Variants in DPP10 observed in about 807,000 individuals in gnomAD.
DPP10 encodes dipeptidyl peptidase like 10, also known as inactive dipeptidyl peptidase 10.
Under a neutral mutation model 120.9 loss-of-function variants are expected in DPP10, and 33 were observed. The ratio of observed to expected loss-of-function variants is 0.27; its 90% CI spans 0.21 to 0.37. The LOEUF (loss-of-function observed/expected upper bound fraction) is 0.37. Ranked by LOEUF, DPP10 falls within the 10% of genes least tolerant of loss-of-function variation. The probability of loss-of-function intolerance (pLI) is 1.00; values close to 1 mark genes in which losing one functional copy is unlikely to be tolerated. For missense variants in DPP10, 816 were observed against 942.8 expected, an observed-to-expected ratio of 0.87 and a Z score of 1.76; for synonymous variants, 337 against 326.1, an observed-to-expected ratio of 1.03 and a Z score of -0.36.
chr2:114,488,325 A>C (rs561169367), intron 1 of DPP10, among the ~76,000 whole-genome samples: 1 of 152,090 alleles, frequency 6.6e-6, no homozygotes, highest in Non-Finnish European at 1.5e-5. Flanking sequence ...TTTGTGCCTC[A>C]GTTTCTTTAT....
chr2:114,989,713 T>C (rs1700648797), intron 1 of DPP10, among the ~76,000 whole-genome samples: 1 of 152,238 alleles, frequency 6.6e-6, no homozygotes. Context: ...GTTCGTTATC[T>C]AAATCATAAT....
At chr2:115,154,417 T>C (rs2051760477) in intron 1 of DPP10, among the ~76,000 whole-genome samples, 2 of 152,186 alleles carry the variant, frequency 1.3e-5, no homozygotes, top group Admixed American at 1.3e-4. Flanking sequence ...TGATGGGTTC[T>C]TACTCATATC....
At chr2:114,897,922 T>C (rs4849355) in intron 1 of DPP10, among the ~76,000 whole-genome samples, 87,056 of 151,290 alleles carry the variant, frequency 0.58, 25,383 homozygotes, top group East Asian at 0.7. Context: ...AGTTCAACCA[T>C]TGTGGAAGTC....
intron 21 of DPP10, among the ~76,000 whole-genome samples, chr2:115,833,542 C>G (rs1191252214): frequency 6.6e-6 from 1 of 152,250 alleles, no homozygotes; most frequent in Non-Finnish European, 1.5e-5. Flanking sequence ...CGTACCTAAT[C>G]TGAAAATCCG....
chr2:115,806,680 T>C (rs1237734538), intron 19 of DPP10, among the ~76,000 whole-genome samples: 1 of 152,170 alleles, frequency 6.6e-6, no homozygotes, highest in Non-Finnish European at 1.5e-5. Context: ...CTTCGATATG[T>C]AGCCTATATG....
At chr2:114,522,322 T>A (rs1004815508) in intron 1 of DPP10, among the ~76,000 whole-genome samples, 9 of 152,148 alleles carry the variant, frequency 5.9e-5, no homozygotes, top group Admixed American at 1.3e-4. Context: ...TGTTCTTCAA[T>A]GTAAAGGCTA....
At chr2:114,909,759 C>G (rs1321391251) in intron 1 of DPP10, among the ~76,000 whole-genome samples, 1 of 151,884 alleles carries the variant, frequency 6.6e-6, no homozygotes, top group African/African-American at 2.4e-5. Flanking sequence ...GGCAGTGTAC[C>G]CAGGTATCTG....
chr2:115,040,373 T>C (rs965039950), intron 1 of DPP10, among the ~76,000 whole-genome samples: 1 of 152,062 alleles, frequency 6.6e-6, no homozygotes, highest in African/African-American at 2.4e-5. Context: ...CATATGTACC[T>C]TTTTCTAGAA....
chr2:114,636,741 G>A (rs1453015757), intron 1 of DPP10, among the ~76,000 whole-genome samples: 1 of 151,856 alleles, frequency 6.6e-6, no homozygotes, highest in Non-Finnish European at 1.5e-5. Flanking sequence ...GGGGTACTAT[G>A]AGCCTTTGTA....
intron 1 of DPP10, among the ~76,000 whole-genome samples, chr2:115,217,151 G>A (rs1028126965): frequency 1.9e-4 from 29 of 152,098 alleles, no homozygotes; most frequent in Non-Finnish European, 5.9e-5. Context: ...ATAATTAGGA[G>A]TAAGGAATAG....
chr2:114,448,440 A>T (rs1430483436), intron 1 of DPP10, among the ~76,000 whole-genome samples: 4 of 152,214 alleles, frequency 2.6e-5, no homozygotes. Flanking sequence ...TTATGGGTCT[A>T]CAAATGAAGC....
rs555825970 is a variant in DPP10, at chr2:115,364,181, A to G, written c.271+20269A>G. Among the ~76,000 whole-genome samples, 10 of 152,060 alleles carry G rather than the reference A, an allele frequency of 6.6e-5. No homozygotes were observed. The South Asian group carries it at 2.1e-3, about 32-fold the overall frequency. ...TTCTTTGTTTTGGCCAACTTTTTTC[A>G]CCAGCCTGTATTTCCTCTCCTTTCT... On this transcript the variant is annotated intron_variant, in intron 3 of 25. Transcript: ENST00000410059.
chr2:115,270,066 TCACA>T (rs57649162), intron 1 of DPP10, among the ~76,000 whole-genome samples: 27,525 of 130,450 alleles, frequency 0.21, 2,709 homozygotes, highest in Non-Finnish European at 0.23. Flanking sequence ...TAGGTATACT[TCACA>T]CACACACACA....
At chr2:114,840,840 T>G (rs1344593518) in intron 1 of DPP10, among the ~76,000 whole-genome samples, 5 of 152,174 alleles carry the variant, frequency 3.3e-5, no homozygotes. Context: ...GAACCTTATA[T>G]GTGTTTCCTT....
intron 4 of DPP10, among the ~76,000 whole-genome samples, chr2:115,517,291 G>A (rs763492530): frequency 4.6e-5 from 7 of 152,100 alleles, no homozygotes; most frequent in South Asian, 2.1e-4. Context: ...GAATTAAAGT[G>A]CAAGTTTAGT....
chr2:115,365,131 T>G (rs2065005911), intron 3 of DPP10, among the ~76,000 whole-genome samples: 1 of 152,100 alleles, frequency 6.6e-6, no homozygotes, highest in Admixed American at 6.6e-5. Context: ...TATGTTTAGA[T>G]TCCTGAAATA....
chr2:115,672,187 A>G (rs1400464473), intron 5 of DPP10, among the ~76,000 whole-genome samples: 1 of 152,156 alleles, frequency 6.6e-6, no homozygotes, highest in Non-Finnish European at 1.5e-5. Flanking sequence ...ATTCCATTAT[A>G]GACCTTGGTG....
chr2:115,631,454 T>C (rs768161837), intron 5 of DPP10, among the ~76,000 whole-genome samples: 2 of 152,164 alleles, frequency 1.3e-5, no homozygotes, highest in Non-Finnish European at 2.9e-5. Context: ...TCTGCCAGTT[T>C]TGGGGTTTGT....
At chr2:115,590,414 G>C (rs943429472) in intron 5 of DPP10, among the ~76,000 whole-genome samples, 7 of 152,020 alleles carry the variant, frequency 4.6e-5, no homozygotes, top group African/African-American at 1.7e-4. Flanking sequence ...GAGAACATGC[G>C]GTGTTTGGTT....
Sources: allele counts gnomAD v4.1 joint callset (sites outside exome capture counted in the v4.1 genomes callset), GRCh38; gene constraint gnomAD v4.1.1; transcripts MANE v1.5; gene names NCBI Gene and HGNC (gene_info 2026-07-23, HGNC 2026-07-21).